The following SOCS5 variants were observed in gnomAD, a reference collection of about 807,000 sequenced individuals.
SOCS5 encodes the protein CIS-6.
Under a neutral mutation model 42.8 loss-of-function variants are expected in SOCS5, and 32 were observed. The observed-to-expected ratio is 0.75, with a 90% confidence interval of 0.56 to 1.01. SOCS5 has a LOEUF of 1.01. Among genes scored for constraint, SOCS5 ranks in the 50% least tolerant of loss-of-function variants. The pLI is 0.00. For missense variants in SOCS5, 627 were observed against 653.0 expected, an observed-to-expected ratio of 0.96 and a Z score of 0.43; for synonymous variants, 283 against 229.6, an observed-to-expected ratio of 1.23 and a Z score of -2.10.
Position 46,758,513 on chromosome 2 carries a change from C to G in SOCS5, c.-12-6C>G. On this transcript the variant is annotated splice_polypyrimidine_tract_variant and splice_region_variant and intron_variant, in intron 1 of 1. Coordinates refer to ENST00000394861, the MANE Select transcript of SOCS5 (RefSeq NM_144949.3). ...TATTTTTCTCTTTTTGCTGTTTTGT[C>G]TTTAGATTTTATAATCAATGGATAA... The G allele has an allele frequency of 6.4e-7, 1 of 1,560,956 alleles. No homozygotes were observed. Among genetic ancestry groups the G allele is most frequent in the Non-Finnish European group, 8.7e-7 (1 of 1,153,660 alleles).
In SOCS5 at chr2:46,759,635, C is replaced by T. The variant is rs756339335; in HGVS notation, c.1105C>T (p.Leu369Phe). 3 of 1,614,046 alleles carry T rather than the reference C, an allele frequency of 1.9e-6. No individual in the cohort carries two copies. Among genetic ancestry groups the T allele is most frequent in the South Asian group, 2.2e-5 (2 of 91,072 alleles). Reference sequence around the variant, plus strand: ...CACACAGATTGATTACATACACTGCCTCGTGCCTGATTTGCTTCAAATTAC... The same window carrying T: ...CACACAGATTGATTACATACACTGCTTCGTGCCTGATTTGCTTCAAATTAC... ...VHTQIDYIHC[L>F]VPDLLQITGN... Residue 369 changes from leucine to phenylalanine, a missense_variant, in exon 2 of 2, where the codon CTC becomes TTC. Around this residue, in one of 3 missense-constraint regions of SOCS5, gnomAD observed 340 missense variants for 367.6 expected, o/e 0.92. Coordinates refer to ENST00000394861, the MANE Select transcript of SOCS5 (RefSeq NM_144949.3).
At chr2:46,712,555 G>A (rs1443549592) in intron 1 of SOCS5, among the ~76,000 whole-genome samples, 1 of 152,062 alleles carries the variant, frequency 6.6e-6, no homozygotes, top group Non-Finnish European at 1.5e-5. Context: ...TATTGGCCAG[G>A]CTGGTCTCGA....
chr2:46,707,203 G>T (rs1434737367), intron 1 of SOCS5, among the ~76,000 whole-genome samples: 2 of 152,222 alleles, frequency 1.3e-5, no homozygotes, highest in Admixed American at 1.3e-4. Flanking sequence ...TCAGTCAAAA[G>T]GTGGGTATTA....
At position 46,699,871 on chromosome 2, in the gene SOCS5, C is replaced by G. The variant is rs987760588; in HGVS notation, c.-13+422C>G. Among the ~76,000 whole-genome samples, 43 of 151,920 alleles carry G rather than the reference C, an allele frequency of 2.8e-4. 1 individual carries two copies. The highest frequency in any genetic ancestry group is 4.9e-4 in the Non-Finnish European group (33 of 67,996). On this transcript the variant is annotated intron_variant, in intron 1 of 1. Transcript: ENST00000394861. This position sits in a 1 kb window ranked among gnomAD's most constrained non-coding sequence, Gnocchi z 4.8. ...ACACAGGCTGCAGGGAAGGGAGCAC[C>G]GACCAAGTCACTTGGGGCTCCAAGA...
chr2:46,725,624 C>T (rs1238801473), intron 1 of SOCS5, among the ~76,000 whole-genome samples: 1 of 152,112 alleles, frequency 6.6e-6, no homozygotes, highest in East Asian at 1.9e-4. Flanking sequence ...CCCCATCAGA[C>T]AATTACATAG....
intron 1 of SOCS5, among the ~76,000 whole-genome samples, chr2:46,737,249 T>C (rs1673274852): frequency 6.6e-6 from 1 of 152,168 alleles, no homozygotes; most frequent in Non-Finnish European, 1.5e-5. Flanking sequence ...GTCTCTTAAT[T>C]ATTTGGTGAG....
intron 1 of SOCS5, among the ~76,000 whole-genome samples, chr2:46,709,122 G>A (rs967354097): frequency 3.3e-5 from 5 of 152,042 alleles, no homozygotes; most frequent in African/African-American, 1.2e-4. Flanking sequence ...TTGACCTCGC[G>A]ATCCGCCCGC....
intron 1 of SOCS5, among the ~76,000 whole-genome samples, chr2:46,733,568 C>CAAAAAAAA (rs1166835596): frequency 1.7e-5 from 1 of 58,460 alleles, no homozygotes. Context: ...GACCCTGTCT[C>CAAAAAAAA]AAAAAAAAAA....
At chr2:46,700,714 TC>T (rs1269719900) in intron 1 of SOCS5, among the ~76,000 whole-genome samples, 5 of 152,192 alleles carry the variant, frequency 3.3e-5, no homozygotes, top group Admixed American at 2.6e-4. Flanking sequence ...TAATAATTTT[TC>T]CTTTATATAG....
chr2:46,727,906 A>G (rs1433534409), intron 1 of SOCS5, among the ~76,000 whole-genome samples: 4 of 152,038 alleles, frequency 2.6e-5, no homozygotes, highest in Admixed American at 6.6e-5. Flanking sequence ...GATTGCACCC[A>G]CATCCAGGGC....
At chr2:46,706,497 AT>A (rs1376583893) in intron 1 of SOCS5, among the ~76,000 whole-genome samples, 1 of 152,222 alleles carries the variant, frequency 6.6e-6, no homozygotes, top group East Asian at 1.9e-4. Context: ...CATTCCTTAA[AT>A]TCTTGATTTT....
At chr2:46,729,399 G>C (rs1000868237) in intron 1 of SOCS5, among the ~76,000 whole-genome samples, 1 of 152,092 alleles carries the variant, frequency 6.6e-6, no homozygotes, top group Non-Finnish European at 1.5e-5. Flanking sequence ...TTCATTGTTC[G>C]ACCATCATAG....
In SOCS5 at chr2:46,700,971, A is replaced by G. The variant is rs944377974; in HGVS notation, c.-13+1522A>G. Among the ~76,000 whole-genome samples, 12 of 152,296 alleles carry G rather than the reference A, an allele frequency of 7.9e-5. No individual in the cohort carries two copies. The South Asian group carries it at 1.9e-3, about 24-fold the overall frequency. On this transcript the variant is annotated intron_variant, in intron 1 of 1. Transcript: ENST00000394861. Reference sequence around the variant, plus strand: ...TTGTATATCATATTTTGGCCCTTTTATCCATCAGAGAAAACATTTCTGCAA... The same window carrying G: ...TTGTATATCATATTTTGGCCCTTTTGTCCATCAGAGAAAACATTTCTGCAA...
At chr2:46,755,559 T>C (rs1272951596) in intron 1 of SOCS5, among the ~76,000 whole-genome samples, 5 of 152,328 alleles carry the variant, frequency 3.3e-5, no homozygotes, top group Middle Eastern at 3.4e-3. Flanking sequence ...GAGGAAAGAA[T>C]AACTTTTTAG....
intron 1 of SOCS5, among the ~76,000 whole-genome samples, chr2:46,704,175 T>G (rs1397579561): frequency 6.6e-6 from 1 of 152,232 alleles, no homozygotes; most frequent in Non-Finnish European, 1.5e-5. Flanking sequence ...GAAGATAATT[T>G]TTTTAAAATT....
intron 1 of SOCS5, among the ~76,000 whole-genome samples, chr2:46,715,917 A>T (rs889975685): frequency 1.3e-5 from 2 of 151,982 alleles, no homozygotes; most frequent in Admixed American, 1.3e-4. Flanking sequence ...AATCCCACAT[A>T]TGTTCAACCA....
chr2:46,740,413 C>A (rs1166568223), intron 1 of SOCS5, among the ~76,000 whole-genome samples: 1 of 152,068 alleles, frequency 6.6e-6, no homozygotes. Context: ...TGGATGTACT[C>A]CAGATAGACA....
chr2:46,705,830 A>G (rs1672452341), intron 1 of SOCS5, among the ~76,000 whole-genome samples: 2 of 152,230 alleles, frequency 1.3e-5, no homozygotes, highest in Non-Finnish European at 2.9e-5. Flanking sequence ...AGCTGACTCC[A>G]TGTGCTGTTC....
chr2:46,711,922 A>C (rs988112957), intron 1 of SOCS5, among the ~76,000 whole-genome samples: 1 of 152,134 alleles, frequency 6.6e-6, no homozygotes, highest in Non-Finnish European at 1.5e-5. Context: ...TCTAAACTCT[A>C]TTCTGTTCAT....
Sources: allele counts gnomAD v4.1 joint callset (sites outside exome capture counted in the v4.1 genomes callset), GRCh38; gene constraint gnomAD v4.1.1; regional missense constraint gnomAD v4.1.1; non-coding constraint Gnocchi (gnomAD v3.1); transcripts MANE v1.5; gene names NCBI Gene and HGNC (gene_info 2026-07-23, HGNC 2026-07-21).